The following PTPRN2 variants were observed in gnomAD, a reference collection of about 807,000 sequenced individuals.
PTPRN2 encodes protein tyrosine phosphatase receptor type N2, also known as receptor-type tyrosine-protein phosphatase N2.
Under a neutral mutation model 118.8 loss-of-function variants are expected in PTPRN2, and 74 were observed. The ratio of observed to expected loss-of-function variants is 0.62; its 90% CI spans 0.52 to 0.76. The LOEUF is 0.76. Among genes scored for constraint, PTPRN2 ranks in the 30% least tolerant of loss-of-function variants. The probability of loss-of-function intolerance (pLI) is 0.00; values close to 1 mark genes in which losing one functional copy is unlikely to be tolerated. For missense variants in PTPRN2, 1,481 were observed against 1,394.4 expected (o/e 1.06, Z -0.99); for synonymous variants, 641 against 608.0 (o/e 1.05, Z -0.80).
At position 158,449,442 on chromosome 7, in the gene PTPRN2, A is replaced by C. The variant is rs187946722; in HGVS notation, c.163+40293T>G. Reference sequence around the variant, plus strand: ...AGGAGTCACCAAGAGAGGACGATGCACAGATTCCCACAACAGCAAGACACA... The same window carrying C: ...AGGAGTCACCAAGAGAGGACGATGCCCAGATTCCCACAACAGCAAGACACA... On this transcript the variant is annotated intron_variant, in intron 2 of 22. Transcript: ENST00000389418. Among the ~76,000 whole-genome samples, 70 of 152,356 alleles carry C rather than the reference A, an allele frequency of 4.6e-4. 1 individual carries two copies. The highest frequency in any genetic ancestry group is 3.4e-3 in the Middle Eastern group (1 of 294).
chr7:157,942,130 T>C (rs1800172318), intron 11 of PTPRN2, among the ~76,000 whole-genome samples: 1 of 142,094 alleles, frequency 7.0e-6, no homozygotes, highest in Non-Finnish European at 1.5e-5. Context: ...CAGCATGCCT[T>C]CCACACGCAC....
chr7:158,473,767 TG>T, intron 2 of PTPRN2, among the ~76,000 whole-genome samples: 1 of 151,132 alleles, frequency 6.6e-6, no homozygotes, highest in Non-Finnish European at 1.5e-5. Flanking sequence ...CATGATAGAT[TG>T]GGGGGAAAAA....
chr7:157,719,294 C>T (rs896434442), intron 12 of PTPRN2, among the ~76,000 whole-genome samples: 1 of 152,224 alleles, frequency 6.6e-6, no homozygotes, highest in Non-Finnish European at 1.5e-5. Flanking sequence ...CGTCTCCATT[C>T]TCGACCCATT....
chr7:158,464,776 A>C (rs998672992), intron 2 of PTPRN2, among the ~76,000 whole-genome samples: 1 of 151,566 alleles, frequency 6.6e-6, no homozygotes, highest in Non-Finnish European at 1.5e-5. Context: ...CATCACCATC[A>C]TCATCCTTAC....
intron 12 of PTPRN2, among the ~76,000 whole-genome samples, chr7:157,689,332 C>T (rs1797355265): frequency 6.6e-6 from 1 of 152,166 alleles, no homozygotes; most frequent in African/African-American, 2.4e-5. Context: ...GGTGGCTCCA[C>T]GGTGCCGGCC....
intron 21 of PTPRN2, among the ~76,000 whole-genome samples, chr7:157,564,909 C>T (rs1357630054): frequency 5.3e-5 from 8 of 152,234 alleles, no homozygotes; most frequent in Non-Finnish European, 1.0e-4. Flanking sequence ...ACGGCACTGT[C>T]CATTAATACA....
intron 11 of PTPRN2, among the ~76,000 whole-genome samples, chr7:158,058,311 C>G (rs1486449269): frequency 6.8e-6 from 1 of 146,732 alleles, no homozygotes; most frequent in Non-Finnish European, 1.5e-5. Context: ...CAGCCACACT[C>G]CATCTGCCCA....
At chr7:158,388,389 C>T (rs886867732) in intron 2 of PTPRN2, among the ~76,000 whole-genome samples, 1 of 152,194 alleles carries the variant, frequency 6.6e-6, no homozygotes, top group Admixed American at 6.5e-5. Flanking sequence ...CAGCGACAAA[C>T]TCGGCTGCCC....
intron 3 of PTPRN2, among the ~76,000 whole-genome samples, chr7:158,248,407 G>A (rs1436674103): frequency 6.6e-6 from 1 of 152,198 alleles, no homozygotes; most frequent in African/African-American, 2.4e-5. Context: ...GTGTTTCCCT[G>A]AAGGAACTGA....
intron 12 of PTPRN2, among the ~76,000 whole-genome samples, chr7:157,685,322 A>G (rs1797130074): frequency 6.6e-6 from 1 of 151,868 alleles, no homozygotes; most frequent in Non-Finnish European, 1.5e-5. Flanking sequence ...GGGAACAGGG[A>G]CTTCCCGAAC....
rs538011407 is a variant in PTPRN2, at chr7:157,587,323, G to A, written c.2496+7915C>T. On this transcript the variant is annotated intron_variant, in intron 17 of 22. Coordinates refer to ENST00000389418, the MANE Select transcript of PTPRN2 (RefSeq NM_002847.5). This position sits in a 1 kb window ranked among gnomAD's most constrained non-coding sequence, Gnocchi z 5.3. Reference sequence around the variant, plus strand: ...TGCCGGGTGGTGGGCGGCCCTGCACGGTGACAGTCAGCTGTCAACTGTCAT... The same window carrying A: ...TGCCGGGTGGTGGGCGGCCCTGCACAGTGACAGTCAGCTGTCAACTGTCAT... Among the ~76,000 whole-genome samples, 95 of 152,240 alleles carry A rather than the reference G, an allele frequency of 6.2e-4. 2 individuals carry two copies. In the South Asian group the frequency reaches 0.014, roughly 23 times the overall value.
intron 12 of PTPRN2, among the ~76,000 whole-genome samples, chr7:157,791,598 C>G (rs2151076915): frequency 6.6e-6 from 1 of 151,926 alleles, no homozygotes; most frequent in South Asian, 2.1e-4. Context: ...CCCACCTGCC[C>G]TACTCAGGGT....
At chr7:157,924,257 C>T (rs796693175) in intron 11 of PTPRN2, among the ~76,000 whole-genome samples, 12 of 152,212 alleles carry the variant, frequency 7.9e-5, no homozygotes, top group African/African-American at 1.9e-4. Context: ...AAGCCACACT[C>T]GTTCTCCTTT....
intron 12 of PTPRN2, among the ~76,000 whole-genome samples, chr7:157,827,342 T>C (rs1183746209): frequency 7.2e-6 from 1 of 139,386 alleles, no homozygotes; most frequent in African/African-American, 2.5e-5. Context: ...CACCCATTTA[T>C]GGATGAAGGA....
At chr7:157,695,636 A>G (rs552244810) in intron 12 of PTPRN2, among the ~76,000 whole-genome samples, 186 of 152,342 alleles carry the variant, frequency 1.2e-3, no homozygotes, top group Non-Finnish European at 1.9e-3. Flanking sequence ...GCATTGAGAT[A>G]ATTTAAGAAC....
At chr7:157,982,098 CCGAG>C (rs1563295609) in intron 11 of PTPRN2, among the ~76,000 whole-genome samples, 1 of 144,242 alleles carries the variant, frequency 6.9e-6, no homozygotes, top group East Asian at 2.1e-4. Flanking sequence ...CCTCTAAACC[CCGAG>C]TCACAGAGAC....
At chr7:157,904,730 C>A (rs2128755609) in intron 11 of PTPRN2, among the ~76,000 whole-genome samples, 1 of 152,348 alleles carries the variant, frequency 6.6e-6, no homozygotes, top group Non-Finnish European at 1.5e-5. Context: ...TGCTAGTTCA[C>A]TTTCTGGCTT....
At chr7:158,212,206 G>A (rs1425022900) in intron 3 of PTPRN2, among the ~76,000 whole-genome samples, 1 of 152,040 alleles carries the variant, frequency 6.6e-6, no homozygotes, top group African/African-American at 2.4e-5. Context: ...GCTACCAGAA[G>A]GAAGTAACCA....
chr7:157,793,939 A>T (rs569449408), intron 12 of PTPRN2, among the ~76,000 whole-genome samples: 1 of 152,216 alleles, frequency 6.6e-6, no homozygotes, highest in African/African-American at 2.4e-5. Flanking sequence ...GCCAGGTCTG[A>T]GGTCAAGGCT....
Sources: gnomAD v4.1 joint callset for allele counts (sites outside exome capture counted in the v4.1 genomes callset) on GRCh38, gnomAD v4.1.1 for gene constraint, Gnocchi (gnomAD v3.1) non-coding constraint, MANE v1.5 for transcripts, NCBI Gene and HGNC (gene_info 2026-07-23, HGNC 2026-07-21) for gene names.